ZNF385D: variants seen among roughly 807,000 people sequenced by gnomAD.
ZNF385D encodes zinc finger protein 659.
In ZNF385D, 15 loss-of-function variants were observed where a neutral mutation model predicts 35.8. The observed-to-expected ratio is 0.42, with a 90% confidence interval of 0.28 to 0.64. ZNF385D has a LOEUF of 0.64. Ranked by LOEUF, ZNF385D falls within the 30% of genes least tolerant of loss-of-function variation. ZNF385D has a pLI of 0.23. For missense variants in ZNF385D, 474 were observed against 494.6 expected, an observed-to-expected ratio of 0.96 and a Z score of 0.39; for synonymous variants, 212 against 186.8, an observed-to-expected ratio of 1.13 and a Z score of -1.10.
At chr3:22,187,894 T>C (rs928810308) in intron 2 of ZNF385D, among the ~76,000 whole-genome samples, 1 of 152,138 alleles carries the variant, frequency 6.6e-6, no homozygotes, top group African/African-American at 2.4e-5. Context: ...GTAGGCAGAA[T>C]GATGCAAGCT....
At chr3:21,851,756 A>G (rs1367222117) in intron 3 of ZNF385D, among the ~76,000 whole-genome samples, 4 of 151,946 alleles carry the variant, frequency 2.6e-5, no homozygotes, top group Non-Finnish European at 5.9e-5. Flanking sequence ...AAAGGTGCCA[A>G]CTCAACTATG....
intron 3 of ZNF385D, among the ~76,000 whole-genome samples, chr3:21,833,815 CT>C (rs112973442): frequency 1.8e-4 from 28 of 152,258 alleles, no homozygotes; most frequent in African/African-American, 6.7e-4. Context: ...AAAACACAAT[CT>C]ATCTTCCATG....
intron 2 of ZNF385D, among the ~76,000 whole-genome samples, chr3:22,207,456 C>A (rs1283258239): frequency 6.6e-6 from 1 of 151,936 alleles, no homozygotes; most frequent in African/African-American, 2.4e-5. Flanking sequence ...GGATTATAGA[C>A]TTAAATCTAA....
chr3:22,187,375 G>T (rs1174098741), intron 2 of ZNF385D, among the ~76,000 whole-genome samples: 1 of 152,038 alleles, frequency 6.6e-6, no homozygotes, highest in Admixed American at 6.6e-5. Context: ...GGAGCACTTT[G>T]GGTGGCTTAA....
chr3:21,788,539 A>G (rs1474038526), intron 3 of ZNF385D, among the ~76,000 whole-genome samples: 1 of 152,238 alleles, frequency 6.6e-6, no homozygotes, highest in Non-Finnish European at 1.5e-5. Flanking sequence ...TCTCATTTTC[A>G]GTGTCCTGAA....
chr3:21,965,111 A>T (rs1216601248), intron 3 of ZNF385D, among the ~76,000 whole-genome samples: 3 of 152,168 alleles, frequency 2.0e-5, no homozygotes, highest in Non-Finnish European at 4.4e-5. Flanking sequence ...CAGTATGAAG[A>T]GAAGAGATCT....
chr3:21,978,330 G>A (rs1703766768), intron 3 of ZNF385D: 1 of 152,156 alleles, frequency 6.6e-6, no homozygotes, highest in Non-Finnish European at 1.5e-5. Context: ...ATCTGTTACT[G>A]GTATGATCTA....
rs114864196 is a variant in ZNF385D, at chr3:21,975,479, T to C, written c.325+193338A>G. On this transcript the variant is annotated intron_variant, in intron 3 of 5. Coordinates refer to the ZNF385D transcript ENST00000494108. ...AGATAGAATGAATAAGACCTAGTAT[T>C]TGATAGCACAACAAGGTGACTACAC... Among the ~76,000 whole-genome samples, 375 of 152,160 alleles carry C rather than the reference T, an allele frequency of 2.5e-3. 1 individual carries two copies. The highest frequency in any genetic ancestry group is 8.6e-3 in the African/African-American group (357 of 41,528).
chr3:21,870,732 T>C (rs1394897753), intron 3 of ZNF385D, among the ~76,000 whole-genome samples: 2 of 152,146 alleles, frequency 1.3e-5, no homozygotes, highest in African/African-American at 4.8e-5. Context: ...TGTGCGTGTA[T>C]ATGTATGTAC....
In ZNF385D at chr3:22,166,914, T is replaced by A. The variant is rs1312580872; in HGVS notation, c.325+1903A>T. ...CAAACTTAAAGAAAACAACTTGGAA[T>A]TGAATCGTGCTGTACTTGAGGTGGT... On this transcript the variant is annotated intron_variant, in intron 3 of 5. Coordinates refer to the ZNF385D transcript ENST00000494108. Among the ~76,000 whole-genome samples the A allele has an allele frequency of 4.6e-5, 7 of 152,226 alleles. No homozygotes were observed. In the East Asian group the frequency reaches 1.3e-3, roughly 29 times the overall value.
At chr3:22,034,576 A>T (rs1443324404) in intron 3 of ZNF385D, among the ~76,000 whole-genome samples, 1 of 152,216 alleles carries the variant, frequency 6.6e-6, no homozygotes, top group Non-Finnish European at 1.5e-5. Context: ...TTGTAAAAAT[A>T]TGTATTAATA....
At chr3:22,323,816 A>G (rs939479457) in intron 2 of ZNF385D, among the ~76,000 whole-genome samples, 3 of 152,200 alleles carry the variant, frequency 2.0e-5, no homozygotes, top group African/African-American at 7.2e-5. Flanking sequence ...AATACTATTC[A>G]TATTTACATG....
chr3:21,933,802 C>A (rs476778), intron 3 of ZNF385D, among the ~76,000 whole-genome samples: 124,006 of 152,072 alleles, frequency 0.82, 51,022 homozygotes, highest in East Asian at 0.98. Flanking sequence ...AACAACTTTT[C>A]TATCTCCTGG....
intron 2 of ZNF385D, among the ~76,000 whole-genome samples, chr3:22,366,637 T>C: frequency 6.6e-6 from 1 of 152,192 alleles, no homozygotes; most frequent in East Asian, 1.9e-4. Context: ...GACAAAATAA[T>C]GCACATCCTC....
intron 3 of ZNF385D, among the ~76,000 whole-genome samples, chr3:21,940,458 T>C (rs1273097113): frequency 6.6e-6 from 1 of 152,210 alleles, no homozygotes; most frequent in African/African-American, 2.4e-5. Flanking sequence ...TTTTACAACA[T>C]AGCAAATGCA....
chr3:21,547,919 T>C (rs919250786), intron 3 of ZNF385D, among the ~76,000 whole-genome samples: 7 of 152,082 alleles, frequency 4.6e-5, no homozygotes, highest in African/African-American at 1.7e-4. Flanking sequence ...CCACACGTAC[T>C]TCTTTAGATG....
intron 2 of ZNF385D, among the ~76,000 whole-genome samples, chr3:22,331,509 C>T (rs761146472): frequency 4.6e-5 from 7 of 152,042 alleles, no homozygotes; most frequent in Non-Finnish European, 8.8e-5. Flanking sequence ...AATTACCTAA[C>T]GCATACTCGT....
chr3:21,581,510 C>A (rs570638497), intron 2 of ZNF385D, among the ~76,000 whole-genome samples: 31 of 152,190 alleles, frequency 2.0e-4, no homozygotes, highest in African/African-American at 7.2e-4. Context: ...AAACAAGTGC[C>A]TGATGACAGA....
chr3:22,320,722 A>G (rs1575112998), intron 2 of ZNF385D, among the ~76,000 whole-genome samples: 1 of 151,430 alleles, frequency 6.6e-6, no homozygotes, highest in East Asian at 1.9e-4. Flanking sequence ...ACTTTCTTTG[A>G]GGAATATTAT....
Sources: allele counts gnomAD v4.1 joint callset (sites outside exome capture counted in the v4.1 genomes callset), GRCh38; gene constraint gnomAD v4.1.1; transcripts MANE v1.5; gene names NCBI Gene and HGNC (gene_info 2026-07-23, HGNC 2026-07-21).